The following ZEB1 variants were observed in gnomAD, a reference collection of about 807,000 sequenced individuals.
ZEB1 encodes zinc finger E-box binding homeobox 1.
A neutral mutation model predicts 84.9 loss-of-function variants in ZEB1; 21 were observed. The ratio of observed to expected loss-of-function variants is 0.25; its 90% CI spans 0.18 to 0.36. The LOEUF (loss-of-function observed/expected upper bound fraction) is 0.36, where lower values mean the gene tolerates loss of function less well. ZEB1 is among the 10% of genes least tolerant of loss of function. The probability of loss-of-function intolerance (pLI) is 1.00; values close to 1 mark genes in which losing one functional copy is unlikely to be tolerated. For missense variants in ZEB1, 1,104 were observed against 1,330.2 expected, an observed-to-expected ratio of 0.83 and a Z score of 2.65; for synonymous variants, 420 against 471.1, an observed-to-expected ratio of 0.89 and a Z score of 1.41.
intron 1 of ZEB1, among the ~76,000 whole-genome samples, chr10:31,444,099 G>A (rs1303329795): frequency 1.3e-5 from 2 of 151,264 alleles, no homozygotes; most frequent in Non-Finnish European, 2.9e-5. Context: ...TTTAATGACT[G>A]CCATTCTAAC....
At chr10:31,466,851 A>AT (rs2062499338) in intron 2 of ZEB1, among the ~76,000 whole-genome samples, 3 of 152,206 alleles carry the variant, frequency 2.0e-5, no homozygotes, top group African/African-American at 7.2e-5. Flanking sequence ...ATCAACAAAC[A>AT]TTTAGCTAGA....
At position 31,504,250 on chromosome 10, in the gene ZEB1, G is replaced by A. The variant is rs548982874; in HGVS notation, c.484+1741G>A. Among the ~76,000 whole-genome samples the A allele has an allele frequency of 9.7e-4, 148 of 151,848 alleles. 2 individuals are homozygous for A. Among genetic ancestry groups the A allele is most frequent in the African/African-American group, 3.4e-3 (140 of 41,472 alleles). Reference sequence around the variant, plus strand: ...TGGTGTATGTTTTTGGTGCCTTGTCGAAATCAAATGGCTGTTAATAATGTG... The same window carrying A: ...TGGTGTATGTTTTTGGTGCCTTGTCAAAATCAAATGGCTGTTAATAATGTG... On this transcript the variant is annotated intron_variant, in intron 4 of 8. Transcript: ENST00000424869.
At position 31,520,681 on chromosome 10, in the gene ZEB1, T is replaced by C; in HGVS notation, c.1349T>C (p.Ile450Thr). The C allele has an allele frequency of 3.1e-6, 5 of 1,614,092 alleles. No homozygotes were observed. The highest frequency in any genetic ancestry group is 4.2e-6 in the Non-Finnish European group (5 of 1,180,000). Residue 450 changes from isoleucine (I) to threonine (T), a missense_variant, in exon 7 of 9, where the codon ATA becomes ACA. Transcript: ENST00000424869. This position sits in a 1 kb window ranked among gnomAD's most constrained non-coding sequence, Gnocchi z 5.1. ...KEQETINASP[I>T]QQGGHSVISA... is the part of the protein sequence containing the mutation. ...CAAGAAACAATCAATGCTTCACCCA[T>C]ACAACAAGGTGGCCATTCTGTTATT...
At chr10:31,401,494 T>G (rs2051989270) in intron 1 of ZEB1, among the ~76,000 whole-genome samples, 1 of 152,084 alleles carries the variant, frequency 6.6e-6, no homozygotes, top group Non-Finnish European at 1.5e-5. Flanking sequence ...GCTGGTAACT[T>G]GAGATGTGTG....
chr10:31,439,900 A>G (rs2058720620), intron 1 of ZEB1, among the ~76,000 whole-genome samples: 1 of 152,144 alleles, frequency 6.6e-6, no homozygotes, highest in Admixed American at 6.5e-5. Flanking sequence ...GGAAGTCATT[A>G]GATGGTTTGA....
intron 1 of ZEB1, among the ~76,000 whole-genome samples, chr10:31,393,689 T>C (rs2050198715): frequency 6.6e-6 from 1 of 152,202 alleles, no homozygotes; most frequent in Non-Finnish European, 1.5e-5. Flanking sequence ...ACTAAAACTT[T>C]ATGATTTTGT....
At chr10:31,440,889 G>T (rs1013945016) in intron 1 of ZEB1, among the ~76,000 whole-genome samples, 8 of 152,054 alleles carry the variant, frequency 5.3e-5, no homozygotes, top group Non-Finnish European at 1.2e-4. Flanking sequence ...ACAAACCACT[G>T]GTCAAGGAAA....
At chr10:31,356,352 G>C (rs1590227651) in intron 1 of ZEB1, among the ~76,000 whole-genome samples, 2 of 146,974 alleles carry the variant, frequency 1.4e-5, no homozygotes, top group Admixed American at 1.4e-4. Flanking sequence ...TATATGATGT[G>C]TATATATATA....
intron 1 of ZEB1, among the ~76,000 whole-genome samples, chr10:31,459,514 A>G (rs2061589403): frequency 1.3e-5 from 2 of 152,074 alleles, no homozygotes; most frequent in African/African-American, 4.8e-5. Flanking sequence ...CTAACTTTAC[A>G]TGTTTTGCAT....
chr10:31,387,295 G>A lies in ZEB1; in HGVS notation c.58+68003G>A, dbSNP rs569590424. 1.0e-5 allele frequency: 10 copies of A among 985,628 alleles called. No homozygotes were observed. In the Admixed American group the frequency reaches 2.5e-4, roughly 24 times the overall value. 61.1% of individuals were successfully genotyped at this position (985,628 alleles called of 1,614,324 possible). A position where few individuals can be genotyped will look rare whatever the true frequency, so the allele number is the denominator to read the frequency against. On this transcript the variant is annotated intron_variant, in intron 1 of 8. Coordinates refer to ENST00000424869, the MANE Select transcript of ZEB1 (RefSeq NM_001174096.2). ...AGCACTGTGTAGTGAGTGCACACTC[G>A]TGGGCCCAGGCTCCTAACCTAAGAC...
intron 1 of ZEB1, among the ~76,000 whole-genome samples, chr10:31,403,659 AT>A (rs1332262978): frequency 6.6e-6 from 1 of 152,020 alleles, no homozygotes; most frequent in African/African-American, 2.4e-5. Context: ...ATTCTTACAG[AT>A]TTTCGTTTAC....
At chr10:31,344,656 A>T (rs1326304400) in intron 1 of ZEB1, among the ~76,000 whole-genome samples, 2 of 152,136 alleles carry the variant, frequency 1.3e-5, no homozygotes, top group African/African-American at 4.8e-5. Context: ...TTACCTTTAC[A>T]GTTTGTTCGC....
chr10:31,467,508 C>T (rs1202088510), intron 2 of ZEB1, among the ~76,000 whole-genome samples: 1 of 152,172 alleles, frequency 6.6e-6, no homozygotes, highest in African/African-American at 2.4e-5. Flanking sequence ...GATTGCCTGC[C>T]TGGCCATTGC....
chr10:31,431,660 C>G (rs1352149209), intron 1 of ZEB1, among the ~76,000 whole-genome samples: 1 of 152,058 alleles, frequency 6.6e-6, no homozygotes, highest in African/African-American at 2.4e-5. Flanking sequence ...TCCTCTGAAC[C>G]TAGGTGCTAC....
chr10:31,318,977 C>G, upstream of ZEB1: 1 of 551,614 alleles, frequency 1.8e-6, no homozygotes, highest in African/African-American at 1.9e-5. Context: ...CCCACCACAC[C>G]TGAGGAAAAC....
rs112591237 is a variant in ZEB1, at chr10:31,347,290, C to T, written c.58+27998C>T. Among the ~76,000 whole-genome samples, 142 of 152,320 alleles carry T rather than the reference C, an allele frequency of 9.3e-4. 3 individuals carry two copies. The highest frequency in any genetic ancestry group is 3.2e-3 in the African/African-American group (135 of 41,576). On this transcript the variant is annotated intron_variant, in intron 1 of 8. Coordinates refer to ENST00000424869, the MANE Select transcript of ZEB1 (RefSeq NM_001174096.2). The stretch of plus-strand genomic sequence containing the variant: ...AATAAGATTCCAGTCTTGCCTCTGT[C>T]AGTCTTAATGTGATAGACTCTCACT...
At chr10:31,331,724 T>C (rs1419092212) in intron 1 of ZEB1, among the ~76,000 whole-genome samples, 1 of 152,118 alleles carries the variant, frequency 6.6e-6, no homozygotes, top group Non-Finnish European at 1.5e-5. Flanking sequence ...GAAAATAATA[T>C]TCCATACAGG....
chr10:31,449,393 G>T lies in ZEB1; in HGVS notation c.59-11644G>T, dbSNP rs141717888. ...GTCTTCTGCGTCGCTCACGCTGGGA[G>T]CTGTAGACTGGAGCTGTTCCTATTC... On this transcript the variant is annotated intron_variant, in intron 1 of 8. Transcript: ENST00000424869. 5.6e-3 allele frequency among the ~76,000 whole-genome samples: 849 copies of T among 152,348 alleles called. 13 individuals carry two copies. The highest frequency in any genetic ancestry group is 0.02 in the African/African-American group (813 of 41,588).
intron 1 of ZEB1, among the ~76,000 whole-genome samples, chr10:31,325,967 GTT>G (rs61269264): frequency 0.01 from 1,261 of 124,828 alleles, 25 homozygotes; most frequent in African/African-American, 0.034. Context: ...TTGGTTTTGG[GTT>G]TTTTTTTTTT....
Sources: allele counts gnomAD v4.1 joint callset (sites outside exome capture counted in the v4.1 genomes callset), GRCh38; gene constraint gnomAD v4.1.1; non-coding constraint Gnocchi (gnomAD v3.1); transcripts MANE v1.5; gene names NCBI Gene and HGNC (gene_info 2026-07-23, HGNC 2026-07-21).